Variants in SCN3A observed in about 807,000 individuals in gnomAD.
SCN3A encodes sodium voltage-gated channel alpha subunit 3.
In SCN3A, 60 loss-of-function variants were observed where a neutral mutation model predicts 187.6. The observed-to-expected ratio is 0.32, with a 90% CI of 0.26 to 0.40. The LOEUF (loss-of-function observed/expected upper bound fraction) is 0.40, where lower values mean the gene tolerates loss of function less well. Ranked by LOEUF, SCN3A falls within the 10% of genes least tolerant of loss-of-function variation. The pLI, the probability that SCN3A is intolerant of heterozygous loss-of-function variation, is 1.00. For missense variants in SCN3A, 1,601 were observed against 2,428.2 expected, an observed-to-expected ratio of 0.66 and a Z score of 7.16; for synonymous variants, 788 against 829.2, an observed-to-expected ratio of 0.95 and a Z score of 0.85.
At position 165,127,771 on chromosome 2, in the gene SCN3A, T is replaced by C. The variant is rs144957412; in HGVS notation, c.3253A>G (p.Ile1085Val). 34 of 1,614,028 alleles carry C rather than the reference T, an allele frequency of 2.1e-5. No homozygotes were observed. Among genetic ancestry groups the C allele is most frequent in the Non-Finnish European group, 2.6e-5 (31 of 1,180,024 alleles). The change falls in exon 18 of 28, where the codon ATC becomes GTC. Residue 1085 changes from isoleucine to valine, a missense_variant. Physicochemically the swap from Ile to Val is conservative, Grantham distance 29 (BLOSUM62 3). Transcript: ENST00000283254. ...GTGSSVEKYV[I>V]DENDYMSFIN... is the part of the protein sequence containing the mutation. The stretch of plus-strand genomic sequence containing the variant: ...AATGACATATAATCATTTTCATCGA[T>C]TACGTATTTTTCAACACTGCTTCCA...
Position 165,189,634 on chromosome 2 carries a change from G to A in SCN3A, c.-247-2887C>T, listed in dbSNP as rs1023864471. On this transcript the variant is annotated intron_variant, in intron 1 of 27. Coordinates refer to ENST00000283254, the MANE Select transcript of SCN3A (RefSeq NM_006922.4). ...TCTTAACCCGTTTCTACTTAGTATT[G>A]TTATTAATGCTTATGCTAATATCAA... Among the ~76,000 whole-genome samples, 5 of 152,126 alleles carry A rather than the reference G, an allele frequency of 3.3e-5. No individual in the cohort carries two copies. In the South Asian group the frequency reaches 8.3e-4, roughly 25 times the overall value.
chr2:165,102,291 A>G (rs1373946123), intron 21 of SCN3A, among the ~76,000 whole-genome samples: 3 of 152,216 alleles, frequency 2.0e-5, no homozygotes, highest in Non-Finnish European at 4.4e-5. Context: ...TGGGAGGATC[A>G]CTTAAGGCCA....
intron 18 of SCN3A, among the ~76,000 whole-genome samples, chr2:165,123,272 G>A (rs927732130): frequency 5.3e-5 from 8 of 151,846 alleles, no homozygotes; most frequent in African/African-American, 1.9e-4. Flanking sequence ...GCCTATTTAT[G>A]TTAGTGGTAT....
At chr2:165,112,200 G>A (rs182583814) in intron 21 of SCN3A, among the ~76,000 whole-genome samples, 20 of 152,196 alleles carry the variant, frequency 1.3e-4, no homozygotes, top group African/African-American at 3.9e-4. Context: ...GTGCCTCTCC[G>A]TCACTTGCAA....
At position 165,106,220 on chromosome 2, in the gene SCN3A, A is replaced by AG. The variant is rs201849205; in HGVS notation, c.3844-5797dup. On this transcript the variant is annotated intron_variant, in intron 21 of 27. Coordinates refer to ENST00000283254, the MANE Select transcript of SCN3A (RefSeq NM_006922.4). ...TTCCAAACACTATGTGCAGTGGGGGAGGGGTCTTTAAAATGAAGACTTTGA... is the reference window on the plus strand; with the variant it reads ...TTCCAAACACTATGTGCAGTGGGGGAGGGGGTCTTTAAAATGAAGACTTTGA... 2.6e-5 allele frequency among the ~76,000 whole-genome samples: 4 copies of AG among 152,094 alleles called. No homozygotes were observed. In the East Asian group the frequency reaches 7.7e-4, roughly 29 times the overall value.
chr2:165,131,430 G>A lies in SCN3A; in HGVS notation c.2392-13C>T. 6.3e-7 allele frequency: 1 copy of A among 1,592,232 alleles called. No homozygotes were observed. Among genetic ancestry groups the A allele is most frequent in the East Asian group, 2.3e-5 (1 of 44,140 alleles). On this transcript the variant is annotated splice_polypyrimidine_tract_variant and intron_variant, in intron 15 of 27. Transcript: ENST00000283254. ...TCCCAGTAAAGACCTAAAAAATAGA[G>A]ATCAGCACTACTTCAAGAGCACTGA... is the stretch of plus-strand genomic sequence containing the variant.
chr2:165,096,398 G>T (rs1685366002), intron 24 of SCN3A, 69 bp downstream of exon 24: 1 of 1,264,920 alleles, frequency 7.9e-7, no homozygotes, highest in Non-Finnish European at 1.2e-6. Flanking sequence ...ATGTATCAGT[G>T]TTTAAATTAC....
chr2:165,175,689 ATTAT>A (rs1238563443), intron 3 of SCN3A, among the ~76,000 whole-genome samples: 1 of 152,114 alleles, frequency 6.6e-6, no homozygotes, highest in Non-Finnish European at 1.5e-5. Context: ...TGCTAAGCAG[ATTAT>A]TTATTGTCCT....
In SCN3A at chr2:165,166,336, G is replaced by A. The variant is rs115498301; in HGVS notation, c.474-1816C>T. Among the ~76,000 whole-genome samples, 846 of 152,152 alleles carry A rather than the reference G, an allele frequency of 5.6e-3. 4 individuals are homozygous for A. Among genetic ancestry groups the A allele is most frequent in the African/African-American group, 0.019 (808 of 41,484 alleles). ...TGGTTATTAGTAACTAGGTTGGGCA[G>A]GTAAGTGGGAGTCAGGGGACCTTTA... On this transcript the variant is annotated intron_variant, in intron 5 of 27. Transcript: ENST00000283254.
chr2:165,171,037 A>G (rs1440616160), intron 3 of SCN3A, among the ~76,000 whole-genome samples: 1 of 152,014 alleles, frequency 6.6e-6, no homozygotes, highest in African/African-American at 2.4e-5. Context: ...CTGACTATAG[A>G]TGTGTGAGAA....
At chr2:165,131,605 TTTA>T (rs1177853167) in intron 15 of SCN3A, among the ~76,000 whole-genome samples, 188 bp from the exon 16 acceptor site, 4 of 151,670 alleles carry the variant, frequency 2.6e-5, no homozygotes, top group Non-Finnish European at 4.4e-5. Context: ...TTTATTTTAT[TTTA>T]TTATTATTAT....
intron 14 of SCN3A, 138 bp from the exon 15 acceptor site, chr2:165,138,255 G>T: frequency 1.5e-6 from 1 of 677,960 alleles, no homozygotes; most frequent in Non-Finnish European, 2.6e-6. Context: ...AACTTGAGAA[G>T]ACAATCCCAT....
chr2:165,149,615 T>C (rs1688574206), intron 11 of SCN3A, among the ~76,000 whole-genome samples: 1 of 152,200 alleles, frequency 6.6e-6, no homozygotes, highest in Non-Finnish European at 1.5e-5. Flanking sequence ...CTCAAATCTG[T>C]CATTTGTTCC....
At chr2:165,156,648 T>C (rs969994672) in intron 9 of SCN3A, among the ~76,000 whole-genome samples, 1 of 151,812 alleles carries the variant, frequency 6.6e-6, no homozygotes, top group East Asian at 1.9e-4. Flanking sequence ...TTTATAACAA[T>C]TTTTTATTTA....
chr2:165,126,106 A>G (rs1007615268), intron 18 of SCN3A, among the ~76,000 whole-genome samples: 6 of 152,216 alleles, frequency 3.9e-5, no homozygotes, highest in Admixed American at 3.9e-4. Context: ...TTATTTAAAA[A>G]AAAGAGTTCC....
At chr2:165,118,832 G>A (rs542412472) in intron 18 of SCN3A, among the ~76,000 whole-genome samples, 100 of 152,118 alleles carry the variant, frequency 6.6e-4, no homozygotes, top group African/African-American at 2.0e-3. Flanking sequence ...GCGCAGTCTC[G>A]GCTCACTGCA....
In SCN3A at chr2:165,159,015, G is replaced by A. The variant is rs758992525; in HGVS notation, c.1032-3112C>T. Among the ~76,000 whole-genome samples the A allele has an allele frequency of 5.7e-4, 79 of 137,920 alleles. 15 individuals carry two copies. Among genetic ancestry groups the A allele is most frequent in the Admixed American group, 1.5e-4 (2 of 13,222 alleles). 90.5% of individuals were successfully genotyped at this position (137,920 alleles called of 152,430 possible). A position where few individuals can be genotyped will look rare whatever the true frequency, so the allele number is the denominator to read the frequency against. On this transcript the variant is annotated intron_variant, in intron 9 of 27. Transcript: ENST00000283254. ...GACTATGTTTATTTTGTAAGAAACC[G>A]CCAAACTGTCTTCCAAGGCGGTTGT...
Position 165,162,832 on chromosome 2 carries a change from C to A in SCN3A, c.695-4G>T. On this transcript the variant is annotated splice_polypyrimidine_tract_variant and splice_region_variant and intron_variant, in intron 7 of 27. Transcript: ENST00000283254. ...GCCCCCACAATGGTCTTTAAACCTG[C>A]AGAGAGAGAACTATAGGTTACCTGA... is the stretch of plus-strand genomic sequence containing the variant. The A allele has an allele frequency of 6.2e-7, 1 of 1,613,974 alleles. No homozygotes were observed. Among genetic ancestry groups the A allele is most frequent in the Non-Finnish European group, 8.5e-7 (1 of 1,179,880 alleles).
At chr2:165,184,506 A>G (rs1049934284) in intron 2 of SCN3A, among the ~76,000 whole-genome samples, 5 of 150,758 alleles carry the variant, frequency 3.3e-5, no homozygotes, top group Admixed American at 6.6e-5. Context: ...AAAAGAAAAA[A>G]AAAAAAAAGC....
Sources: gnomAD v4.1 joint callset for allele counts (sites outside exome capture counted in the v4.1 genomes callset) on GRCh38, gnomAD v4.1.1 for gene constraint, MANE v1.5 for transcripts, NCBI Gene and HGNC (gene_info 2026-07-23, HGNC 2026-07-21) for gene names.